The following GALNT13 variants were observed in gnomAD, a reference collection of about 807,000 sequenced individuals.
GALNT13 encodes the protein UDP-GalNAc:polypeptide N-acetylgalactosaminyltransferase 13.
Under a neutral mutation model 64.2 loss-of-function variants are expected in GALNT13, and 28 were observed. That is an observed-to-expected ratio of 0.44 (90% CI 0.32 to 0.60). GALNT13 has a LOEUF of 0.60. Among genes scored for constraint, GALNT13 ranks in the 20% least tolerant of loss-of-function variants. The probability of loss-of-function intolerance (pLI) is 0.05; values close to 1 mark genes in which losing one functional copy is unlikely to be tolerated. For synonymous variants in GALNT13, 214 were observed against 224.6 expected, an observed-to-expected ratio of 0.95 and a Z score of 0.42; for missense variants, 577 against 669.8, an observed-to-expected ratio of 0.86 and a Z score of 1.53.
chr2:154,147,026 T>C (rs1201200465), intron 4 of GALNT13, among the ~76,000 whole-genome samples: 1 of 152,152 alleles, frequency 6.6e-6, no homozygotes, highest in East Asian at 1.9e-4. Flanking sequence ...GTTAGTTTAA[T>C]TCACAAGCCC....
At chr2:153,976,586 C>A (rs1558884919) in intron 3 of GALNT13, among the ~76,000 whole-genome samples, 1 of 152,070 alleles carries the variant, frequency 6.6e-6, no homozygotes, top group African/African-American at 2.4e-5. Context: ...ATATTGGAAT[C>A]ATGGGTTGAG....
At chr2:153,791,345 A>G in the GALNT13 span, among the ~76,000 whole-genome samples, 1 of 152,172 alleles carries the variant, frequency 6.6e-6, no homozygotes, top group Non-Finnish European at 1.5e-5. Flanking sequence ...ACCAGTCATA[A>G]TGGTTATTAT....
the GALNT13 span, among the ~76,000 whole-genome samples, chr2:153,661,691 G>A: frequency 6.6e-6 from 1 of 152,274 alleles, no homozygotes; most frequent in African/African-American, 2.4e-5. Flanking sequence ...ATGCAAATGA[G>A]TTTGGACTGG....
the GALNT13 span, among the ~76,000 whole-genome samples, chr2:153,814,231 G>C: frequency 6.6e-6 from 1 of 152,194 alleles, no homozygotes. Flanking sequence ...ACGAGGTCAG[G>C]AGATCGAGAC....
At chr2:153,603,265 A>C in the GALNT13 span, among the ~76,000 whole-genome samples, 1 of 151,964 alleles carries the variant, frequency 6.6e-6, no homozygotes, top group African/African-American at 2.4e-5. Flanking sequence ...GGAGCAAAAG[A>C]AGCCATTTGG....
intron 2 of GALNT13, among the ~76,000 whole-genome samples, chr2:153,929,244 A>G (rs1158263767): frequency 6.6e-6 from 1 of 152,188 alleles, no homozygotes; most frequent in Non-Finnish European, 1.5e-5. Context: ...TGTGAGGTCG[A>G]GTGGGCCACA....
intron 4 of GALNT13, among the ~76,000 whole-genome samples, chr2:154,239,274 C>A (rs918356804): frequency 6.6e-6 from 1 of 151,924 alleles, no homozygotes; most frequent in Admixed American, 6.6e-5. Flanking sequence ...GTTGGCATTT[C>A]GTGTAACATA....
intron 4 of GALNT13, among the ~76,000 whole-genome samples, chr2:154,148,024 C>T (rs781656778): frequency 2.9e-4 from 44 of 151,798 alleles, no homozygotes; most frequent in Non-Finnish European, 6.0e-4. Context: ...CCCATTAATT[C>T]GTCATTTAAC....
the GALNT13 span, among the ~76,000 whole-genome samples, chr2:153,293,139 A>G: frequency 5.9e-5 from 9 of 151,946 alleles, no homozygotes; most frequent in Non-Finnish European, 1.2e-4. Flanking sequence ...AACCAACCCC[A>G]TTTTTATAGG....
intron 3 of GALNT13, among the ~76,000 whole-genome samples, chr2:154,062,489 A>G (rs1206846688): frequency 6.6e-6 from 1 of 152,198 alleles, no homozygotes; most frequent in Non-Finnish European, 1.5e-5. Flanking sequence ...CAGCCTCTAC[A>G]GGAAGCATGG....
chr2:154,185,495 A>G (rs1404514425), intron 4 of GALNT13, among the ~76,000 whole-genome samples: 1 of 151,804 alleles, frequency 6.6e-6, no homozygotes, highest in Non-Finnish European at 1.5e-5. Context: ...ATATTAATTC[A>G]CTTGATAGTG....
the GALNT13 span, among the ~76,000 whole-genome samples, chr2:153,529,527 A>G: frequency 6.6e-6 from 1 of 152,122 alleles, no homozygotes; most frequent in African/African-American, 2.4e-5. Flanking sequence ...GCTCCAAAAA[A>G]TAGAGGAGGA....
the GALNT13 span, among the ~76,000 whole-genome samples, chr2:153,723,858 T>C: frequency 6.6e-6 from 1 of 150,650 alleles, no homozygotes; most frequent in Non-Finnish European, 1.5e-5. Flanking sequence ...AGAATCAATA[T>C]CGTGAAAATG....
chr2:154,276,667 G>A (rs528503478), intron 8 of GALNT13, among the ~76,000 whole-genome samples: 74 of 152,252 alleles, frequency 4.9e-4, no homozygotes, highest in Admixed American at 1.0e-3. Context: ...TGGAAGGGGC[G>A]GAATGATATG....
the GALNT13 span, among the ~76,000 whole-genome samples, chr2:153,069,086 T>G: frequency 1.4e-4 from 22 of 152,204 alleles, no homozygotes; most frequent in Admixed American, 1.4e-3. Flanking sequence ...CTTATTGCTG[T>G]GCAAGAATGC....
intron 8 of GALNT13, among the ~76,000 whole-genome samples, chr2:154,268,536 T>C (rs558064711): frequency 5.9e-5 from 9 of 152,246 alleles, no homozygotes. Flanking sequence ...ACAAAACTTC[T>C]TATTGAGTGG....
chr2:153,644,867 T>G, the GALNT13 span, among the ~76,000 whole-genome samples: 11 of 152,144 alleles, frequency 7.2e-5, no homozygotes, highest in African/African-American at 2.7e-4. Context: ...TTTATATTGT[T>G]TCTTCTGTCC....
the GALNT13 span, among the ~76,000 whole-genome samples, chr2:153,618,772 AC>A: frequency 3.3e-5 from 5 of 151,892 alleles, no homozygotes; most frequent in South Asian, 1.0e-3. Context: ...TTGTATAATG[AC>A]CTTCTTTGTC....
the GALNT13 span, among the ~76,000 whole-genome samples, chr2:153,424,864 G>A: frequency 1.3e-5 from 2 of 151,678 alleles, no homozygotes; most frequent in African/African-American, 2.4e-5. Context: ...AAACAACCTA[G>A]GTAAGGGAAT....
Sources: gnomAD v4.1 joint callset for allele counts (sites outside exome capture counted in the v4.1 genomes callset) on GRCh38, gnomAD v4.1.1 for gene constraint, MANE v1.5 for transcripts, NCBI Gene and HGNC (gene_info 2026-07-23, HGNC 2026-07-21) for gene names.